CCDC136: variants seen among roughly 807,000 people sequenced by gnomAD.
The protein encoded by CCDC136 is coiled-coil domain-containing protein 136.
CCDC136 carries 100 observed loss-of-function variants against 141.2 expected under a neutral mutation model. That is an observed-to-expected ratio of 0.71 (90% confidence interval 0.60 to 0.84). The LOEUF (loss-of-function observed/expected upper bound fraction) is 0.84. CCDC136 is among the 40% of genes least tolerant of loss of function. The probability of loss-of-function intolerance (pLI) is 0.00; values close to 1 mark genes in which losing one functional copy is unlikely to be tolerated. For synonymous variants in CCDC136, 474 were observed against 531.9 expected, an observed-to-expected ratio of 0.89 and a Z score of 1.50; for missense variants, 1,206 against 1,379.4, an observed-to-expected ratio of 0.87 and a Z score of 1.99.
intron 17 of CCDC136, among the ~76,000 whole-genome samples, chr7:128,819,607 C>T (rs373670130): frequency 1.2e-3 from 187 of 152,250 alleles, no homozygotes; most frequent in African/African-American, 4.0e-3. Flanking sequence ...TAATCACTTA[C>T]GTATATTAAC....
chr7:128,797,972 C>T lies in CCDC136; in HGVS notation c.346+3204C>T, dbSNP rs959836830. On this transcript the variant is annotated intron_variant, in intron 3 of 17. Coordinates refer to ENST00000297788, the MANE Select transcript of CCDC136 (RefSeq NM_022742.5). ...TCGCTGTGTCGCCCAGGCTGGAGTG[C>T]AGTGGCGTGATCTCGGCTCACTGCA... Among the ~76,000 whole-genome samples the T allele has an allele frequency of 1.7e-4, 25 of 150,854 alleles. 1 individual carries two copies. The highest frequency in any genetic ancestry group is 6.1e-4 in the African/African-American group (25 of 40,994).
At chr7:128,793,326 C>T (rs1394796575) in intron 1 of CCDC136, among the ~76,000 whole-genome samples, 1 of 152,088 alleles carries the variant, frequency 6.6e-6, no homozygotes, top group East Asian at 1.9e-4. Context: ...CCTAAAACTT[C>T]CCCTGAAATC....
chr7:128,801,272 T>A lies in CCDC136; in HGVS notation c.433T>A (p.Leu145Met). The change falls in exon 4 of 18, where the codon TTG becomes ATG. Residue 145 changes from leucine to methionine, a missense_variant. By Grantham distance (15) the Leu-to-Met change is conservative. Transcript: ENST00000297788. The part of the protein sequence containing the change: ...ELKEIEQELH[L>M]AQAEIQSLRQ... ...TAAGGAAATAGAACAGGAATTGCATTTGGCCCAGGCTGAGATCCAGAGTCT... is the reference window on the plus strand; with the variant it reads ...TAAGGAAATAGAACAGGAATTGCATATGGCCCAGGCTGAGATCCAGAGTCT... The A allele has an allele frequency of 6.2e-7, 1 of 1,613,878 alleles. No individual in the cohort carries two copies.
upstream of CCDC136, chr7:128,791,663 C>T (rs1482086163): frequency 8.9e-6 from 6 of 671,972 alleles, no homozygotes; most frequent in Non-Finnish European, 1.3e-5. The surrounding 1 kb of genome is among the most constrained non-coding windows in gnomAD (Gnocchi z 7.1). Context: ...TTTCTCCGCC[C>T]AAAGTCTTCC....
Position 128,815,656 on chromosome 7 carries a change from T to C in CCDC136, c.3088T>C (p.Leu1030=). The C allele has an allele frequency of 6.4e-7, 1 of 1,555,562 alleles. No homozygotes were observed. The change falls in exon 16 of 18, where the codon TTA becomes CTA. Residue 1030 remains leucine (L), a synonymous_variant. Coordinates refer to ENST00000297788, the MANE Select transcript of CCDC136 (RefSeq NM_022742.5). ...GTACTACAAGGCCAGCCAGAGGAAA[T>C]TAGATGGACTAGCAAAAGAGGAGGA... The part of the protein sequence containing the change: ...VLYYKASQRK[L]DGLAKEEEKK...
intron 9 of CCDC136, among the ~76,000 whole-genome samples, 177 bp downstream of exon 9, chr7:128,807,035 T>G (rs1804970901): frequency 6.6e-6 from 1 of 152,150 alleles, no homozygotes; most frequent in East Asian, 1.9e-4. Context: ...CTTCCTTTGA[T>G]TTTAAATCAG....
At chr7:128,791,693 A>T, upstream of CCDC136, 1 of 527,214 alleles carries the variant, frequency 1.9e-6, no homozygotes, top group Non-Finnish European at 2.9e-6. The surrounding 1 kb of genome is among the most constrained non-coding windows in gnomAD (Gnocchi z 7.1). Flanking sequence ...CCTGGCCTCC[A>T]CCGGGGCCCG....
At chr7:128,820,548 T>C (rs1807305530) in intron 17 of CCDC136, among the ~76,000 whole-genome samples, 1 of 152,222 alleles carries the variant, frequency 6.6e-6, no homozygotes, top group South Asian at 2.1e-4. Context: ...CACATTAGGA[T>C]AGAGGCATCT....
chr7:128,793,660 G>A (rs1481700407), intron 1 of CCDC136, among the ~76,000 whole-genome samples: 1 of 152,344 alleles, frequency 6.6e-6, no homozygotes, highest in East Asian at 1.9e-4. Flanking sequence ...CCAGGCTGGA[G>A]TGCCAGTGGC....
In CCDC136 at chr7:128,807,414, A is replaced by C; in HGVS notation, c.1474A>C (p.Lys492Gln). The change falls in exon 10 of 18, where the codon AAG becomes CAG. Residue 492 changes from lysine to glutamine, a missense_variant. Transcript: ENST00000297788. ...GATGAAGCAGCTGTACCAGGCCAGC[A>C]AGGACGAGCTGGAGCGGCAGAAGCA... ...QEMKQLYQASKDELERQKHMY... is the reference protein window; with the variant it reads ...QEMKQLYQASQDELERQKHMY... The C allele has an allele frequency of 6.3e-7, 1 of 1,583,284 alleles. No individual in the cohort carries two copies. The highest frequency in any genetic ancestry group is 8.6e-7 in the Non-Finnish European group (1 of 1,165,370).
chr7:128,794,509 G>T lies in CCDC136; in HGVS notation c.178G>T (p.Glu60Ter). ...GAGCCTCACGGAGACAGAGCTGGAG[G>T]AGCTGCGGGCTCAGGTGCTGCAGCT... ...GLSLTETELE[E>*]LRAQVLQLVA... Residue 60 changes from glutamate to a stop codon, truncating the protein, a stop_gained, in exon 2 of 18, where the codon GAG becomes TAG. Transcript: ENST00000297788. LOFTEE classifies it high-confidence loss of function. This position sits in a 1 kb window ranked among gnomAD's most constrained non-coding sequence, Gnocchi z 4.3. 6.4e-7 allele frequency: 1 copy of T among 1,552,774 alleles called. No individual in the cohort carries two copies. Among genetic ancestry groups the T allele is most frequent in the Non-Finnish European group, 8.7e-7 (1 of 1,147,570 alleles).
chr7:128,794,263 C>G lies in CCDC136; in HGVS notation c.17-85C>G, dbSNP rs901068138. 5.2e-6 allele frequency: 8 copies of G among 1,542,568 alleles called. No individual in the cohort carries two copies. The African/African-American group carries it at 9.6e-5, about 19-fold the overall frequency. ...GTGGCACTAGTATGTCATCTCTGCCCTGGCATAGTGAGTTTGAGGGCCCTG... is the reference window on the plus strand; with the variant it reads ...GTGGCACTAGTATGTCATCTCTGCCGTGGCATAGTGAGTTTGAGGGCCCTG... On this transcript the variant is annotated intron_variant, in intron 1 of 17. Coordinates refer to ENST00000297788, the MANE Select transcript of CCDC136 (RefSeq NM_022742.5). The surrounding 1 kb of genome is among the most constrained non-coding windows in gnomAD (Gnocchi z 4.3).
chr7:128,794,624 C>T lies in CCDC136; in HGVS notation c.271+22C>T. ...CAGGGTGAGTGCCTGGGCCAGGGCC[C>T]AGTGCCCGGGCCCAGAGGCTCTGCA... On this transcript the variant is annotated intron_variant, in intron 2 of 17. Transcript: ENST00000297788. The surrounding 1 kb of genome is among the most constrained non-coding windows in gnomAD (Gnocchi z 4.3). 6.5e-7 allele frequency: 1 copy of T among 1,531,574 alleles called. No individual in the cohort carries two copies. The highest frequency in any genetic ancestry group is 8.8e-7 in the Non-Finnish European group (1 of 1,137,794). The allele number at this position is 1,531,574 out of a possible 1,614,324, so 94.9% of individuals were successfully genotyped here.
rs747647395 is a variant in CCDC136, at chr7:128,814,760, G to A, written c.2886G>A (p.Glu962=). The A allele has an allele frequency of 5.7e-5, 92 of 1,613,516 alleles. No individual in the cohort carries two copies. The highest frequency in any genetic ancestry group is 2.0e-4 in the East Asian group (9 of 44,884). The stretch of plus-strand genomic sequence containing the variant: ...AGGGGCAGCTGCAGTGCTGCCAGGA[G>A]GAGCTCCGCCAGCTCAGGGAGAAGA... ...QLEGQLQCCQ[E]ELRQLREKRP... Residue 962 remains glutamate, a synonymous_variant, in exon 15 of 18, where the codon GAG becomes GAA. Coordinates refer to ENST00000297788, the MANE Select transcript of CCDC136 (RefSeq NM_022742.5).
chr7:128,801,926 A>T (rs1804088563), intron 4 of CCDC136, among the ~76,000 whole-genome samples: 1 of 152,184 alleles, frequency 6.6e-6, no homozygotes, highest in African/African-American at 2.4e-5. Context: ...TGATTTGACT[A>T]TGGGAAAACC....
chr7:128,792,540 C>A, intron 1 of CCDC136, 113 bp downstream of exon 1: 1 of 741,256 alleles, frequency 1.3e-6, no homozygotes, highest in Non-Finnish European at 2.2e-6. Context: ...TCCCTCAGTT[C>A]ATCTTAGCCC....
At chr7:128,791,561 GC>G, upstream of CCDC136, 3 of 1,256,950 alleles carry the variant, frequency 2.4e-6, no homozygotes, top group Non-Finnish European at 3.0e-6. The surrounding 1 kb of genome is among the most constrained non-coding windows in gnomAD (Gnocchi z 7.1). Context: ...GGTCAGAGCC[GC>G]CCCTCCGTCA....
At chr7:128,791,447 G>A, upstream of CCDC136, 1 of 1,294,264 alleles carries the variant, frequency 7.7e-7, no homozygotes, top group Non-Finnish European at 9.8e-7. The surrounding 1 kb of genome is among the most constrained non-coding windows in gnomAD (Gnocchi z 7.1). Context: ...CGGGCTCGCG[G>A]CTGCGGCTTC....
intron 4 of CCDC136, among the ~76,000 whole-genome samples, chr7:128,803,331 C>A (rs1387451109): frequency 6.6e-6 from 1 of 152,128 alleles, no homozygotes; most frequent in African/African-American, 2.4e-5. Context: ...CATGAAGCAA[C>A]AAAACAGATA....
Sources: gnomAD v4.1 joint callset for allele counts (sites outside exome capture counted in the v4.1 genomes callset) on GRCh38, gnomAD v4.1.1 for gene constraint, Gnocchi (gnomAD v3.1) non-coding constraint, MANE v1.5 for transcripts, NCBI Gene and HGNC (gene_info 2026-07-23, HGNC 2026-07-21) for gene names.